KCNK9: variants seen among roughly 807,000 people sequenced by gnomAD.
KCNK9 encodes the protein potassium two pore domain channel subfamily K member 9.
KCNK9 carries 1 observed loss-of-function variant against 10.8 expected under a neutral mutation model. The ratio of observed to expected loss-of-function variants is 0.09; its 90% CI spans 0.03 to 0.44. The LOEUF (loss-of-function observed/expected upper bound fraction) is 0.44, where lower values mean the gene tolerates loss of function less well. Among genes scored for constraint, KCNK9 ranks in the 20% least tolerant of loss-of-function variants. The pLI is 0.97. For missense variants in KCNK9, 303 were observed against 515.0 expected, an observed-to-expected ratio of 0.59 and a Z score of 3.98; for synonymous variants, 231 against 222.7, an observed-to-expected ratio of 1.04 and a Z score of -0.33.
At chr8:139,601,330 A>T (rs1398811979) in exon 3 of KCNK9, 4 of 152,102 alleles carry the variant, frequency 2.6e-5, no homozygotes, top group African/African-American at 9.7e-5. Flanking sequence ...GCTCCATCCA[A>T]ACCGTTCTCT....
downstream of KCNK9, chr8:139,611,929 C>T (rs1390294163): frequency 3.3e-5 from 5 of 152,328 alleles, no homozygotes; most frequent in South Asian, 2.1e-4. Flanking sequence ...CCTTTATTCT[C>T]GCGATGGTCC....
chr8:139,644,852 A>G (rs1218030203), intron 1 of KCNK9, among the ~76,000 whole-genome samples: 1 of 152,078 alleles, frequency 6.6e-6, no homozygotes, highest in African/African-American at 2.4e-5. Context: ...ACCTCTGCCA[A>G]GAGCCCTGCC....
At chr8:139,686,938 T>C (rs999585521) in intron 1 of KCNK9, among the ~76,000 whole-genome samples, 7 of 152,134 alleles carry the variant, frequency 4.6e-5, no homozygotes, top group African/African-American at 1.7e-4. Flanking sequence ...AGTGAATTTA[T>C]TTGTAAAAAG....
At chr8:139,625,904 C>T (rs1188885974) in intron 1 of KCNK9, among the ~76,000 whole-genome samples, 2 of 152,210 alleles carry the variant, frequency 1.3e-5, no homozygotes, top group African/African-American at 4.8e-5. Context: ...GCAAGATTTC[C>T]CAGAAGTCAT....
At chr8:139,628,799 T>G (rs1815064853) in intron 1 of KCNK9, among the ~76,000 whole-genome samples, 5 of 152,174 alleles carry the variant, frequency 3.3e-5, no homozygotes, top group African/African-American at 1.2e-4. Context: ...AAGCACAAAT[T>G]TCCAACAACA....
intron 1 of KCNK9, among the ~76,000 whole-genome samples, chr8:139,680,547 G>C (rs1816666208): frequency 6.6e-6 from 1 of 152,172 alleles, no homozygotes; most frequent in Non-Finnish European, 1.5e-5. Context: ...AGGCTGACGT[G>C]GCCTTCTGTG....
rs113952172 is a variant in KCNK9 at position 139,693,351 on chromosome 8, A to G, written c.283+9359T>C. On this transcript the variant is annotated intron_variant, in intron 1 of 1. Coordinates refer to ENST00000520439, the MANE Select transcript of KCNK9 (RefSeq NM_001282534.2). This position sits in a 1 kb window ranked among gnomAD's most constrained non-coding sequence, Gnocchi z 4.1. ...CCCCACTCAGCAGGACAGATCCCTA[A>G]CCTGTTGTCTTCCATTAAAAGCAAC... Among the ~76,000 whole-genome samples, 366 of 152,178 alleles carry G rather than the reference A, an allele frequency of 2.4e-3. 1 individual carries two copies. Among genetic ancestry groups the G allele is most frequent in the African/African-American group, 8.6e-3 (356 of 41,522 alleles).
intron 1 of KCNK9, among the ~76,000 whole-genome samples, chr8:139,620,741 G>A (rs1814751963): frequency 6.6e-6 from 1 of 152,150 alleles, no homozygotes; most frequent in African/African-American, 2.4e-5. Context: ...GCTGAGCTCT[G>A]ACACCCCTCT....
intron 1 of KCNK9, among the ~76,000 whole-genome samples, chr8:139,625,197 G>A (rs553686846): frequency 6.6e-6 from 1 of 152,316 alleles, no homozygotes; most frequent in Admixed American, 6.5e-5. Context: ...TGGATCTGTA[G>A]CCAAGGACGT....
downstream of KCNK9, chr8:139,616,659 T>C (rs1405670930): frequency 1.3e-5 from 2 of 152,180 alleles, no homozygotes; most frequent in African/African-American, 2.4e-5. Context: ...GGAGATCTCG[T>C]TGGGGCCTTG....
At chr8:139,628,205 A>G (rs1815038193) in intron 1 of KCNK9, among the ~76,000 whole-genome samples, 1 of 152,208 alleles carries the variant, frequency 6.6e-6, no homozygotes, top group Admixed American at 6.5e-5. Flanking sequence ...CCCACAACAT[A>G]CACGGCTCTC....
chr8:139,603,925 G>C (rs910652983), intron 2 of KCNK9, among the ~76,000 whole-genome samples: 1 of 152,228 alleles, frequency 6.6e-6, no homozygotes, highest in Admixed American at 6.5e-5. Context: ...CCACATTCTT[G>C]GAGCCACTGG....
intron 2 of KCNK9, among the ~76,000 whole-genome samples, chr8:139,604,688 T>C (rs527756057): frequency 1.3e-5 from 2 of 152,282 alleles, no homozygotes; most frequent in African/African-American, 4.8e-5. Flanking sequence ...TTTTTCTGTA[T>C]GTAAATTAAG....
intron 1 of KCNK9, among the ~76,000 whole-genome samples, chr8:139,643,291 C>T (rs897706972): frequency 1.3e-5 from 2 of 152,082 alleles, no homozygotes; most frequent in Admixed American, 1.3e-4. Context: ...CTCTGCTGGC[C>T]GCGACCCCCG....
chr8:139,619,223 C>T (rs766263810), intron 1 of KCNK9, 124 bp from the exon 2 acceptor site: 6 of 1,108,030 alleles, frequency 5.4e-6, no homozygotes, highest in Non-Finnish European at 7.9e-6. Context: ...GGGGGAATTT[C>T]CTCTGCAGGG....
At chr8:139,643,080 G>A (rs1815557684) in intron 1 of KCNK9, among the ~76,000 whole-genome samples, 1 of 152,092 alleles carries the variant, frequency 6.6e-6, no homozygotes, top group South Asian at 2.1e-4. Context: ...TGACCCCCTT[G>A]GCCAGGCAAG....
chr8:139,694,602 T>C (rs1446784107), intron 1 of KCNK9, among the ~76,000 whole-genome samples: 2 of 152,248 alleles, frequency 1.3e-5, no homozygotes, highest in Non-Finnish European at 2.9e-5. Flanking sequence ...ATTCATTGGA[T>C]GGCTGGCCAT....
At chr8:139,630,131 C>A (rs1216708845) in intron 1 of KCNK9, among the ~76,000 whole-genome samples, 1 of 152,150 alleles carries the variant, frequency 6.6e-6, no homozygotes, top group Non-Finnish European at 1.5e-5. Flanking sequence ...CGGCTCGGAA[C>A]TCAGTCCCAG....
downstream of KCNK9, among the ~76,000 whole-genome samples, chr8:139,613,593 G>T (rs906322859): frequency 3.3e-5 from 5 of 152,180 alleles, no homozygotes; most frequent in Admixed American, 3.3e-4. Flanking sequence ...GAACATCCAG[G>T]CCAAATGCTT....
Sources: gnomAD v4.1 joint callset for allele counts (sites outside exome capture counted in the v4.1 genomes callset) on GRCh38, gnomAD v4.1.1 for gene constraint, Gnocchi (gnomAD v3.1) non-coding constraint, MANE v1.5 for transcripts, NCBI Gene and HGNC (gene_info 2026-07-23, HGNC 2026-07-21) for gene names.